Variants in NFKB1 observed in about 807,000 individuals in gnomAD.
NFKB1 encodes nuclear factor NF-kappa-B p105 subunit.
A neutral mutation model predicts 105.1 loss-of-function variants in NFKB1; 9 were observed. That is an observed-to-expected ratio of 0.09 (90% CI 0.05 to 0.15). The LOEUF is 0.15. NFKB1 is among the 10% of genes least tolerant of loss of function. NFKB1 has a pLI of 1.00. For synonymous variants in NFKB1, 440 were observed against 442.2 expected (o/e 1.00, Z 0.06); for missense variants, 830 against 1,203.7 (o/e 0.69, Z 4.59).
At chr4:102,594,414 A>G (rs1239127850) in intron 12 of NFKB1, among the ~76,000 whole-genome samples, 4 of 152,204 alleles carry the variant, frequency 2.6e-5, no homozygotes, top group Non-Finnish European at 4.4e-5. Flanking sequence ...ATCTAATGCC[A>G]TCTGTTTTCC....
At chr4:102,531,574 G>A (rs577681320) in intron 3 of NFKB1, among the ~76,000 whole-genome samples, 14 of 152,194 alleles carry the variant, frequency 9.2e-5, no homozygotes, top group South Asian at 4.1e-4. Context: ...TATGGGATGC[G>A]ACATAACTCT....
At chr4:102,513,117 A>T (rs922996403) in intron 1 of NFKB1, among the ~76,000 whole-genome samples, 1 of 152,216 alleles carries the variant, frequency 6.6e-6, no homozygotes, top group African/African-American at 2.4e-5. Context: ...GGAAGAAGAA[A>T]ACTGTAGCAT....
intron 3 of NFKB1, among the ~76,000 whole-genome samples, chr4:102,532,411 G>A (rs1361334817): frequency 6.6e-6 from 1 of 152,120 alleles, no homozygotes; most frequent in African/African-American, 2.4e-5. Context: ...GGTAGATCAC[G>A]AGCTCAGGAG....
intron 7 of NFKB1, chr4:102,578,561 C>T: frequency 2.5e-6 from 1 of 405,032 alleles, no homozygotes; most frequent in Non-Finnish European, 4.4e-6. Flanking sequence ...TCCATTCCAT[C>T]ACATCCTGTG....
rs372596809 is a variant in NFKB1, at chr4:102,525,498, G to A, written c.-7-14G>A. On this transcript the variant is annotated splice_polypyrimidine_tract_variant and intron_variant, in intron 1 of 23. Coordinates refer to ENST00000226574, the MANE Select transcript of NFKB1 (RefSeq NM_003998.4). ...TAGTGTTACAGTTTTGTTTTGTTTT[G>A]TTTTAATACACAGCTTCAGAATGGC... is the stretch of plus-strand genomic sequence containing the variant. 1 of 1,612,558 alleles carries A rather than the reference G, an allele frequency of 6.2e-7. No individual in the cohort carries two copies. The highest frequency in any genetic ancestry group is 8.5e-7 in the Non-Finnish European group (1 of 1,179,206).
chr4:102,574,567 C>A (rs1724658047), intron 6 of NFKB1, among the ~76,000 whole-genome samples: 1 of 152,164 alleles, frequency 6.6e-6, no homozygotes, highest in African/African-American at 2.4e-5. Context: ...TCTCCTCAAC[C>A]TCAGAGATTG....
At chr4:102,597,491 C>G in intron 14 of NFKB1, 29 bp from the exon 15 acceptor site, 2 of 1,584,896 alleles carry the variant, frequency 1.3e-6, no homozygotes, top group Non-Finnish European at 1.7e-6. Context: ...TAGGAACACT[C>G]AACTATGATT....
chr4:102,602,002 G>T (rs984190274), intron 16 of NFKB1, among the ~76,000 whole-genome samples: 2 of 152,066 alleles, frequency 1.3e-5, no homozygotes, highest in African/African-American at 4.8e-5. Context: ...GAGATGGTTT[G>T]CTGGTTCACG....
chr4:102,501,933 CAGT>C (rs1172733216), intron 1 of NFKB1, 145 bp downstream of exon 1: 1 of 152,418 alleles, frequency 6.6e-6, no homozygotes, highest in Admixed American at 6.5e-5. Flanking sequence ...AGGAGGTTGA[CAGT>C]AGCTGAGAGG....
chr4:102,576,825 G>T lies in NFKB1; in HGVS notation c.408-51G>T, dbSNP rs377151537. ...TGAAGCCAGATTCCCTAGACATTAA[G>T]TGCCTAACTTTTGGTTGTTGTTGCT... On this transcript the variant is annotated intron_variant, in intron 6 of 23. Transcript: ENST00000226574. The T allele has an allele frequency of 1.0e-5, 16 of 1,555,850 alleles. No individual in the cohort carries two copies. In the African/African-American group the frequency reaches 1.4e-4, roughly 13 times the overall value.
intron 6 of NFKB1, among the ~76,000 whole-genome samples, chr4:102,571,093 G>T (rs1215736827): frequency 6.6e-6 from 1 of 152,138 alleles, no homozygotes; most frequent in East Asian, 1.9e-4. Context: ...ATACTACAAG[G>T]CTACAGTAAC....
At chr4:102,590,222 C>A (rs1357485310) in intron 11 of NFKB1, among the ~76,000 whole-genome samples, 2 of 152,134 alleles carry the variant, frequency 1.3e-5, no homozygotes, top group Non-Finnish European at 2.9e-5. Flanking sequence ...CCCACACACA[C>A]GTAAAAGATG....
chr4:102,590,656 G>C (rs371977008), intron 11 of NFKB1, among the ~76,000 whole-genome samples: 1 of 152,106 alleles, frequency 6.6e-6, no homozygotes, highest in East Asian at 1.9e-4. Context: ...TGTGTGTTCT[G>C]ACTGCTCTAC....
At chr4:102,615,149 G>A (rs1728825821) in intron 23 of NFKB1, among the ~76,000 whole-genome samples, 1 of 152,124 alleles carries the variant, frequency 6.6e-6, no homozygotes, top group African/African-American at 2.4e-5. Flanking sequence ...TTAATTCTGG[G>A]TTATGCCCTT....
chr4:102,511,414 T>C (rs1045718213), intron 1 of NFKB1, among the ~76,000 whole-genome samples: 1 of 152,210 alleles, frequency 6.6e-6, no homozygotes, highest in Non-Finnish European at 1.5e-5. Flanking sequence ...GTGGCTCATA[T>C]CTGTAATCCC....
At chr4:102,604,476 G>C (rs1278076718) in intron 16 of NFKB1, among the ~76,000 whole-genome samples, 1 of 152,014 alleles carries the variant, frequency 6.6e-6, no homozygotes, top group Admixed American at 6.6e-5. Flanking sequence ...ATCTTAATCA[G>C]ATTTCACCAG....
chr4:102,529,771 C>G (rs1741160812), intron 2 of NFKB1, 65 bp from the exon 3 acceptor site: 2 of 1,240,864 alleles, frequency 1.6e-6, no homozygotes, highest in Non-Finnish European at 2.3e-6. Flanking sequence ...GGTGTCCCAA[C>G]TTCAAATTTT....
In NFKB1 at chr4:102,519,395, A is replaced by G. The variant is rs889917775; in HGVS notation, c.-7-6117A>G. Among the ~76,000 whole-genome samples the G allele has an allele frequency of 4.7e-5, 7 of 148,206 alleles. No individual in the cohort carries two copies. In the East Asian group the frequency reaches 1.4e-3, roughly 29 times the overall value. ...TATGTATATAATTATATATAATATT[A>G]TAAGTATATATACTTTTATCATACC... On this transcript the variant is annotated intron_variant, in intron 1 of 23. Transcript: ENST00000226574.
chr4:102,558,236 A>T (rs539780563), intron 5 of NFKB1, among the ~76,000 whole-genome samples: 1 of 151,710 alleles, frequency 6.6e-6, no homozygotes, highest in Non-Finnish European at 1.5e-5. Flanking sequence ...GTTTCCCTCT[A>T]TGTGGCAATG....
Sources: gnomAD v4.1 joint callset for allele counts (sites outside exome capture counted in the v4.1 genomes callset) on GRCh38, gnomAD v4.1.1 for gene constraint, MANE v1.5 for transcripts, NCBI Gene and HGNC (gene_info 2026-07-23, HGNC 2026-07-21) for gene names.